Variants in DDHD1 observed in about 807,000 individuals in gnomAD.
The protein encoded by DDHD1 is DDHD domain containing 1, also known as phospholipase DDHD1.
Under a neutral mutation model 96.4 loss-of-function variants are expected in DDHD1, and 49 were observed. The ratio of observed to expected loss-of-function variants is 0.51; its 90% CI spans 0.40 to 0.64. The LOEUF (loss-of-function observed/expected upper bound fraction) is 0.64, where lower values mean the gene tolerates loss of function less well. Ranked by LOEUF, DDHD1 falls within the 30% of genes least tolerant of loss-of-function variation. DDHD1 has a pLI of 0.00. For missense variants in DDHD1, 1,106 were observed against 1,161.2 expected (o/e 0.95, Z 0.69); for synonymous variants, 442 against 446.5 (o/e 0.99, Z 0.13).
intron 11 of DDHD1, chr14:53,052,906 C>T (rs1882726934): frequency 6.6e-6 from 1 of 151,678 alleles, no homozygotes; most frequent in Non-Finnish European, 1.5e-5. Flanking sequence ...AGCTATGCAC[C>T]TCTACTAACT....
intron 1 of DDHD1, among the ~76,000 whole-genome samples, chr14:53,142,627 G>A (rs1274296407): frequency 1.3e-5 from 2 of 152,212 alleles, no homozygotes; most frequent in Non-Finnish European, 2.9e-5. Flanking sequence ...TTTGGTGACA[G>A]GATCTGCATA....
At chr14:53,130,654 C>T (rs1030925434) in intron 1 of DDHD1, among the ~76,000 whole-genome samples, 1 of 152,228 alleles carries the variant, frequency 6.6e-6, no homozygotes, top group African/African-American at 2.4e-5. Flanking sequence ...GGACCTCCTC[C>T]CCCAGGATCT....
intron 9 of DDHD1, among the ~76,000 whole-genome samples, chr14:53,057,047 C>A (rs2139844487): frequency 6.6e-6 from 1 of 152,200 alleles, no homozygotes; most frequent in South Asian, 2.1e-4. Flanking sequence ...AGATAAGATA[C>A]AATCTCAGAA....
At chr14:53,092,374 C>T (rs1886501078) in intron 3 of DDHD1, 1 of 149,532 alleles carries the variant, frequency 6.7e-6, no homozygotes, top group Non-Finnish European at 1.5e-5. Flanking sequence ...ATAAATATAA[C>T]TAATAAACAT....
chr14:53,137,054 A>G (rs994864510), intron 1 of DDHD1, among the ~76,000 whole-genome samples: 2 of 152,328 alleles, frequency 1.3e-5, no homozygotes, highest in East Asian at 3.9e-4. Context: ...GGAGGAAAAT[A>G]CAAACATGAT....
intron 1 of DDHD1, among the ~76,000 whole-genome samples, chr14:53,116,553 C>T (rs1404609452): frequency 6.6e-6 from 1 of 152,158 alleles, no homozygotes. Context: ...CAAATTAGAA[C>T]TCAGGATTAA....
chr14:53,139,088 AAACCACACCCACAC>A (rs1000982360), intron 1 of DDHD1, among the ~76,000 whole-genome samples: 1 of 87,346 alleles, frequency 1.1e-5, no homozygotes, highest in Non-Finnish European at 2.8e-5. Context: ...AAAAAAAAAA[AAACCACACCCACAC>A]CCACACCCAC....
intron 3 of DDHD1, chr14:53,092,582 C>T (rs2139677830): frequency 1.3e-5 from 2 of 152,278 alleles, no homozygotes; most frequent in South Asian, 4.2e-4. Flanking sequence ...GTATTTCAAG[C>T]CTGTAACCCC....
At chr14:53,112,434 A>G (rs1405899010) in intron 1 of DDHD1, among the ~76,000 whole-genome samples, 1 of 152,030 alleles carries the variant, frequency 6.6e-6, no homozygotes, top group African/African-American at 2.4e-5. Flanking sequence ...AAAAAAAGTT[A>G]CACAGTTTAA....
At chr14:53,119,986 T>G (rs370465250) in intron 1 of DDHD1, among the ~76,000 whole-genome samples, 1 of 152,156 alleles carries the variant, frequency 6.6e-6, no homozygotes, top group African/African-American at 2.4e-5. Context: ...TAAAGGGTAT[T>G]CAAATAGGAA....
At chr14:53,112,607 T>C (rs1888194443) in intron 1 of DDHD1, among the ~76,000 whole-genome samples, 1 of 152,216 alleles carries the variant, frequency 6.6e-6, no homozygotes, top group Non-Finnish European at 1.5e-5. Context: ...TTATTCTACA[T>C]TACTAATATA....
chr14:53,055,331 A>G (rs564633912), intron 10 of DDHD1, among the ~76,000 whole-genome samples: 13 of 152,364 alleles, frequency 8.5e-5, no homozygotes, highest in African/African-American at 2.6e-4. Flanking sequence ...CATTTCACAG[A>G]TGAGCAAGTA....
At chr14:53,073,369 T>G (rs560584148) in intron 5 of DDHD1, among the ~76,000 whole-genome samples, 1 of 152,042 alleles carries the variant, frequency 6.6e-6, no homozygotes, top group East Asian at 1.9e-4. Context: ...GAAAGAAAAA[T>G]GTAAGCTCGT....
At position 53,136,950 on chromosome 14, in the gene DDHD1, C is replaced by T. The variant is rs191440910; in HGVS notation, c.838+15311G>A. On this transcript the variant is annotated intron_variant, in intron 1 of 12. Transcript: ENST00000673822. ...TCAACACATACCCAGGAGAAAAGTC[C>T]GTCAATAAAAACATCCGGAAACAAC... is the stretch of plus-strand genomic sequence containing the variant. Among the ~76,000 whole-genome samples the T allele has an allele frequency of 4.7e-3, 715 of 152,148 alleles. 10 individuals carry two copies. Among genetic ancestry groups the T allele is most frequent in the African/African-American group, 0.016 (682 of 41,500 alleles).
chr14:53,122,105 A>G (rs549730106), intron 1 of DDHD1, among the ~76,000 whole-genome samples: 1 of 152,300 alleles, frequency 6.6e-6, no homozygotes, highest in African/African-American at 2.4e-5. Context: ...TGGAAGAAGA[A>G]GGTGTTTCTC....
intron 4 of DDHD1, among the ~76,000 whole-genome samples, chr14:53,081,879 A>C (rs1260935308): frequency 1.3e-5 from 2 of 152,168 alleles, no homozygotes; most frequent in Non-Finnish European, 2.9e-5. Context: ...GGATGGAAGA[A>C]AAATGAAAAA....
rs143376013 is a variant in DDHD1, at chr14:53,152,558, G to A, written c.541C>T (p.Pro181Ser). 7 of 1,613,802 alleles carry A rather than the reference G, an allele frequency of 4.3e-6. No homozygotes were observed. Among genetic ancestry groups the A allele is most frequent in the Admixed American group, 1.7e-5 (1 of 60,014 alleles). The change falls in exon 1 of 13, where the codon CCC (proline) becomes TCC (serine). Residue 181 changes from proline (P) to serine (S), a missense_variant. Around this residue, in one of 2 missense-constraint regions of DDHD1, gnomAD observed 456 missense variants for 402.4 expected, o/e 1.13. Transcript: ENST00000673822. ...FYKEDKKTWK[P>S]FIGYDSLRIE... ...CGGAGCGAGTCGTAGCCGATGAAGG[G>A]CTTCCAGGTCTTCTTGTCCTCCTTG... is the stretch of plus-strand genomic sequence containing the variant.
rs146194514 is a variant in DDHD1, at chr14:53,087,910, C to T, written c.1289+3875G>A. Among the ~76,000 whole-genome samples the T allele has an allele frequency of 2.8e-3, 433 of 151,972 alleles. 1 individual carries two copies. The highest frequency in any genetic ancestry group is 1.0e-2 in the African/African-American group (413 of 41,440). ...GAAACAATCAACAAAATTGATAGAC[C>T]GCTAGCAAGACTAACAAAGAAGAAA... is the stretch of plus-strand genomic sequence containing the variant. On this transcript the variant is annotated intron_variant, in intron 4 of 12. Transcript: ENST00000673822.
intron 1 of DDHD1, among the ~76,000 whole-genome samples, chr14:53,151,419 G>A (rs1041024015): frequency 1.3e-5 from 2 of 152,036 alleles, no homozygotes; most frequent in South Asian, 4.1e-4. Flanking sequence ...AGATATTTAC[G>A]GTCACCTTCC....
Sources: allele counts gnomAD v4.1 joint callset (sites outside exome capture counted in the v4.1 genomes callset), GRCh38; gene constraint gnomAD v4.1.1; regional missense constraint gnomAD v4.1.1; transcripts MANE v1.5; gene names NCBI Gene and HGNC (gene_info 2026-07-23, HGNC 2026-07-21).